Variants in KLF12 observed in about 807,000 individuals in gnomAD.
KLF12 encodes KLF transcription factor 12, also known as Krueppel-like factor 12.
Under a neutral mutation model 37.8 loss-of-function variants are expected in KLF12, and 9 were observed. That is an observed-to-expected ratio of 0.24 (90% CI 0.14 to 0.42). The LOEUF is 0.42. Among genes scored for constraint, KLF12 ranks in the 10% least tolerant of loss-of-function variants. The probability of loss-of-function intolerance (pLI) is 1.00; values close to 1 mark genes in which losing one functional copy is unlikely to be tolerated. For missense variants in KLF12, 411 were observed against 516.0 expected (o/e 0.80, Z 1.97); for synonymous variants, 208 against 202.1 (o/e 1.03, Z -0.25).
chr13:74,031,581 T>C (rs1893114968), intron 1 of KLF12, among the ~76,000 whole-genome samples: 1 of 152,188 alleles, frequency 6.6e-6, no homozygotes, highest in Non-Finnish European at 1.5e-5. Flanking sequence ...TAAAGAGATG[T>C]AATCTTGTAC....
intron 3 of KLF12, among the ~76,000 whole-genome samples, chr13:73,942,358 G>A (rs1890226918): frequency 6.6e-6 from 1 of 152,004 alleles, no homozygotes; most frequent in Non-Finnish European, 1.5e-5. Flanking sequence ...TGAGCAGTGG[G>A]AAAAGGCTAT....
chr13:74,223,847 T>A, the KLF12 span, among the ~76,000 whole-genome samples: 1 of 152,174 alleles, frequency 6.6e-6, no homozygotes, highest in East Asian at 1.9e-4. Flanking sequence ...GGTTTGATCA[T>A]CAGTCATCAT....
chr13:73,734,732 T>A (rs1877324316), intron 6 of KLF12, among the ~76,000 whole-genome samples: 2 of 152,196 alleles, frequency 1.3e-5, no homozygotes, highest in Admixed American at 1.3e-4. Flanking sequence ...ACTTGTGCCC[T>A]GCACTGTGCT....
chr13:74,060,303 G>C (rs907783181), intron 1 of KLF12, among the ~76,000 whole-genome samples: 1 of 151,614 alleles, frequency 6.6e-6, no homozygotes, highest in Non-Finnish European at 1.5e-5. Context: ...GAATAACTTT[G>C]GTATTTTCAT....
At chr13:74,251,115 C>T in the KLF12 span, among the ~76,000 whole-genome samples, 2 of 152,020 alleles carry the variant, frequency 1.3e-5, no homozygotes, top group Admixed American at 6.6e-5. Context: ...CTATGAATCT[C>T]GTGAACTCAT....
At chr13:74,240,248 CT>C in the KLF12 span, among the ~76,000 whole-genome samples, 10 of 147,488 alleles carry the variant, frequency 6.8e-5, no homozygotes, top group African/African-American at 2.3e-4. Flanking sequence ...AAATTCTTTT[CT>C]TTAAGAATGT....
chr13:74,007,117 G>A lies in KLF12; in HGVS notation c.-31-12064C>T, dbSNP rs575933181. ...ATCTCCTCACGTAGACACAAGTACT[G>A]AATAAAATCAACACAGCCAACTATT... On this transcript the variant is annotated intron_variant, in intron 1 of 7. Coordinates refer to ENST00000377669, the MANE Select transcript of KLF12 (RefSeq NM_007249.5). Among the ~76,000 whole-genome samples, 8 of 152,110 alleles carry A rather than the reference G, an allele frequency of 5.3e-5. No homozygotes were observed. In the South Asian group the frequency reaches 1.7e-3, roughly 32 times the overall value.
At chr13:73,738,106 T>TACACACAC (rs1223436241) in intron 6 of KLF12, among the ~76,000 whole-genome samples, 1,078 of 106,420 alleles carry the variant, frequency 0.01, 58 homozygotes, top group African/African-American at 0.043. Flanking sequence ...TATATATATA[T>TACACACAC]ATATATATAT....
chr13:73,729,476 T>G (rs1355682048), intron 6 of KLF12, among the ~76,000 whole-genome samples: 1 of 152,200 alleles, frequency 6.6e-6, no homozygotes, highest in Non-Finnish European at 1.5e-5. Flanking sequence ...GTACTGTTAC[T>G]GGCAATCTTA....
intron 6 of KLF12, among the ~76,000 whole-genome samples, chr13:73,731,112 C>G (rs1039858869): frequency 8.6e-5 from 13 of 151,960 alleles, no homozygotes; most frequent in Non-Finnish European, 1.9e-4. Flanking sequence ...TCAGAGGGGA[C>G]CAATTCCAAG....
intron 6 of KLF12, among the ~76,000 whole-genome samples, chr13:73,721,753 G>C (rs867443835): frequency 1.3e-5 from 2 of 150,100 alleles, no homozygotes; most frequent in East Asian, 3.9e-4. Flanking sequence ...GGGTCTTGCT[G>C]TGTTGTCCTA....
chr13:74,119,148 C>T (rs112147137), intron 1 of KLF12, among the ~76,000 whole-genome samples: 3,289 of 152,140 alleles, frequency 0.022, 123 homozygotes, highest in African/African-American at 0.072. Flanking sequence ...ACCTGGCCAA[C>T]ATGGCAAAAC....
chr13:74,244,230 T>C, the KLF12 span, among the ~76,000 whole-genome samples: 1 of 152,246 alleles, frequency 6.6e-6, no homozygotes, highest in African/African-American at 2.4e-5. Context: ...TTGATCCATA[T>C]GTCACTTTGT....
Position 73,857,482 on chromosome 13 carries a change from T to C in KLF12, c.124-11109A>G, listed in dbSNP as rs374870494. On this transcript the variant is annotated intron_variant, in intron 3 of 7. Transcript: ENST00000377669. ...TTTGTATAAAATGTGACGGAATTTG[T>C]TTTTTAACTAATACATTCAAATATT... 5.3e-4 allele frequency among the ~76,000 whole-genome samples: 81 copies of C among 152,330 alleles called. 1 individual carries two copies. The highest frequency in any genetic ancestry group is 1.8e-3 in the African/African-American group (76 of 41,584).
intron 4 of KLF12, among the ~76,000 whole-genome samples, chr13:73,833,854 T>C (rs533220109): frequency 2.0e-5 from 3 of 152,254 alleles, no homozygotes; most frequent in Admixed American, 2.0e-4. Flanking sequence ...TTACATGTTA[T>C]GTTTTGGCAG....
intron 1 of KLF12, among the ~76,000 whole-genome samples, chr13:74,010,090 C>T (rs562006593): frequency 6.6e-6 from 1 of 152,042 alleles, no homozygotes; most frequent in East Asian, 1.9e-4. Flanking sequence ...GCTAGGACTA[C>T]AGGCATGCAC....
rs1018203811 is a variant in KLF12, at chr13:73,693,143, C to G, written c.*2347G>C. On this transcript the variant is annotated 3_prime_UTR_variant, in exon 8 of 8. Coordinates refer to ENST00000377669, the MANE Select transcript of KLF12 (RefSeq NM_007249.5). Reference sequence around the variant, plus strand: ...ACACTTCACTTGAGAGATGCACCCACTACTTGCCAACTAGGTGCTGGTACT... The same window carrying G: ...ACACTTCACTTGAGAGATGCACCCAGTACTTGCCAACTAGGTGCTGGTACT... 1 of 152,220 alleles carries G rather than the reference C, an allele frequency of 6.6e-6. No homozygotes were observed. Among genetic ancestry groups the G allele is most frequent in the African/African-American group, 2.4e-5 (1 of 41,448 alleles). The allele number at this position is 152,220 out of a possible 1,614,324, so 9.4% of individuals were successfully genotyped here. A position where few individuals can be genotyped will look rare whatever the true frequency, so the allele number is the denominator to read the frequency against.
chr13:73,915,687 GTAT>G (rs1888790504), intron 3 of KLF12, among the ~76,000 whole-genome samples: 1 of 74,754 alleles, frequency 1.3e-5, no homozygotes, highest in Non-Finnish European at 2.7e-5. Context: ...TAATTTTTTT[GTAT>G]TTTTTTTTTT....
chr13:73,961,045 G>T (rs919611750), intron 2 of KLF12, among the ~76,000 whole-genome samples: 1 of 152,000 alleles, frequency 6.6e-6, no homozygotes, highest in Non-Finnish European at 1.5e-5. Context: ...TCTGTCTGGG[G>T]AAAGTACACA....
Sources: allele counts gnomAD v4.1 joint callset (sites outside exome capture counted in the v4.1 genomes callset), GRCh38; gene constraint gnomAD v4.1.1; transcripts MANE v1.5; gene names NCBI Gene and HGNC (gene_info 2026-07-23, HGNC 2026-07-21).